KCNH2: variants seen among roughly 807,000 people sequenced by gnomAD.
KCNH2 encodes potassium voltage-gated channel subfamily H member 2, also known as voltage-gated inwardly rectifying potassium channel KCNH2.
KCNH2 carries 35 observed loss-of-function variants against 95.9 expected under a neutral mutation model. That is an observed-to-expected ratio of 0.37 (90% CI 0.28 to 0.48). The LOEUF (loss-of-function observed/expected upper bound fraction) is 0.48. Ranked by LOEUF, KCNH2 falls within the 20% of genes least tolerant of loss-of-function variation. The pLI is 0.99. For synonymous variants in KCNH2, 786 were observed against 754.7 expected (o/e 1.04, Z -0.68); for missense variants, 1,274 against 1,702.9 (o/e 0.75, Z 4.43).
chr7:150,963,627 G>A (rs73470583), intron 2 of KCNH2, among the ~76,000 whole-genome samples: 3,082 of 133,130 alleles, frequency 0.023, 95 homozygotes, highest in African/African-American at 0.079. Flanking sequence ...CAGCCCCAGC[G>A]CTGGCTGAAG....
At position 150,958,354 on chromosome 7, in the gene KCNH2, G is replaced by A. The variant is rs41314417; in HGVS notation, c.621C>T (p.Ser207=). Residue 207 remains serine (S), a synonymous_variant, in exon 4 of 15, where the codon AGC becomes AGT. Coordinates refer to ENST00000262186, the MANE Select transcript of KCNH2 (RefSeq NM_000238.4). ...TCACTTCGTCCAGGGCCAGCGACTC[G>A]CTGCTGGGTGCCGCGGGCGTCAGGT... ...DVDLTPAAPS[S]ESLALDEVTA... is the part of the protein sequence containing the mutation. 5.0e-4 allele frequency: 740 copies of A among 1,485,444 alleles called. 3 individuals carry two copies. The African/African-American group carries it at 9.4e-3, about 19-fold the overall frequency. The allele number at this position is 1,485,444 out of a possible 1,614,324, so 92.0% of individuals were successfully genotyped here. A position where few individuals can be genotyped will look rare whatever the true frequency, so the allele number is the denominator to read the frequency against.
rs1800849202 is a variant in KCNH2, at chr7:150,945,301, A to G, written c.*64T>C. 1.3e-6 allele frequency: 2 copies of G among 1,518,450 alleles called. No individual in the cohort carries two copies. The highest frequency in any genetic ancestry group is 1.8e-6 in the Non-Finnish European group (2 of 1,123,702). 94.1% of individuals were successfully genotyped at this position (1,518,450 alleles called of 1,614,324 possible). ...CAGGGCCTCCTGAGCAGGGCCTCCA[A>G]GGGGAGCGGCCCAGCAGCGCCTTGA... On this transcript the variant is annotated 3_prime_UTR_variant, in exon 15 of 15. Transcript: ENST00000262186. This position sits in a 1 kb window ranked among gnomAD's most constrained non-coding sequence, Gnocchi z 5.6.
intron 2 of KCNH2, among the ~76,000 whole-genome samples, chr7:150,969,356 G>A (rs1369967363): frequency 3.3e-5 from 5 of 152,158 alleles, no homozygotes; most frequent in African/African-American, 9.7e-5. Context: ...AACAATAGAA[G>A]TGCCTTGTGC....
chr7:150,947,473 C>T lies in KCNH2; in HGVS notation c.3007G>A (p.Asp1003Asn), dbSNP rs794728402. The T allele has an allele frequency of 4.4e-6, 7 of 1,577,120 alleles. No individual in the cohort carries two copies. The African/African-American group carries it at 6.7e-5, about 15-fold the overall frequency. Reference protein sequence around the residue: ...GVSNIFSFWGDSRGRQYQELP... With the variant: ...GVSNIFSFWGNSRGRQYQELP... ...TCCTGGTACTGGCGGCCCCGACTGT[C>T]CCCCCAGAAGCTGAAAATGTTGGAC... The change falls in exon 13 of 15, where the codon GAC becomes AAC. Residue 1003 changes from aspartate (D) to asparagine (N), a missense_variant. By Grantham distance (23) the Asp-to-Asn change is conservative. This residue lies in a region of KCNH2 where 457 missense variants were observed against 416.1 expected (regional missense o/e 1.10). Coordinates refer to ENST00000262186, the MANE Select transcript of KCNH2 (RefSeq NM_000238.4).
At chr7:150,968,149 C>T (rs1301865602) in intron 2 of KCNH2, among the ~76,000 whole-genome samples, 1 of 152,146 alleles carries the variant, frequency 6.6e-6, no homozygotes, top group South Asian at 2.1e-4. Context: ...CCAAGATATG[C>T]GGGTATGGGA....
chr7:150,948,708 T>C (rs1801018675), intron 10 of KCNH2, 148 bp downstream of exon 10: 1 of 1,076,462 alleles, frequency 9.3e-7, no homozygotes, highest in Non-Finnish European at 1.4e-6. Flanking sequence ...AAGACTGAGT[T>C]TGGGACTTTT....
At chr7:150,954,735 G>A (rs1288447407) in intron 5 of KCNH2, among the ~76,000 whole-genome samples, 3 of 152,196 alleles carry the variant, frequency 2.0e-5, no homozygotes, top group Non-Finnish European at 2.9e-5. Context: ...TTAGCCCTGA[G>A]CCACCTCCCA....
rs1800859102 is a variant in KCNH2 at position 150,945,509 on chromosome 7, G to A, written c.3336C>T (p.Ser1112=). 6.4e-7 allele frequency: 1 copy of A among 1,558,830 alleles called. No individual in the cohort carries two copies. The highest frequency in any genetic ancestry group is 8.7e-7 in the Non-Finnish European group (1 of 1,151,480). The part of the protein sequence containing the change: ...TLTLDSLSQV[S]QFMACEELPP... Reference sequence around the variant, plus strand: ...GCAGCTCCTCACACGCCATGAACTGGGAAACCTGCAATACACACAGAGCAT... The same window carrying A: ...GCAGCTCCTCACACGCCATGAACTGAGAAACCTGCAATACACACAGAGCAT... Residue 1112 remains serine, a synonymous_variant, in exon 15 of 15, where the codon TCC becomes TCT. Coordinates refer to ENST00000262186, the MANE Select transcript of KCNH2 (RefSeq NM_000238.4). The surrounding 1 kb of genome is among the most constrained non-coding windows in gnomAD (Gnocchi z 5.6).
chr7:150,957,798 ATCCCTG>A (rs1386175516), intron 4 of KCNH2, among the ~76,000 whole-genome samples: 2 of 152,228 alleles, frequency 1.3e-5, no homozygotes, highest in Non-Finnish European at 1.5e-5. Flanking sequence ...TGCCCAGGGC[ATCCCTG>A]CTCCAGGCCG....
At chr7:150,969,164 G>C (rs1801776689) in intron 2 of KCNH2, among the ~76,000 whole-genome samples, 1 of 152,224 alleles carries the variant, frequency 6.6e-6, no homozygotes, top group Non-Finnish European at 1.5e-5. Flanking sequence ...GGGACAGCTA[G>C]GCTCGGGTTC....
chr7:150,975,015 C>G (rs1801945600), intron 1 of KCNH2, 74 bp from the exon 2 acceptor site: 5 of 1,344,574 alleles, frequency 3.7e-6, no homozygotes, highest in Middle Eastern at 4.4e-4. Context: ...TCCCCACATT[C>G]TCCACTCACA....
chr7:150,964,885 G>C (rs944505425), intron 2 of KCNH2, among the ~76,000 whole-genome samples: 2 of 152,204 alleles, frequency 1.3e-5, no homozygotes, highest in Non-Finnish European at 2.9e-5. Flanking sequence ...GATGCAGCAG[G>C]AGCCGCTCCT....
rs758278647 is a variant in KCNH2 at position 150,947,736 on chromosome 7, G to C, written c.2835C>G (p.Gly945=). 4.5e-6 allele frequency: 7 copies of C among 1,558,824 alleles called. No homozygotes were observed. The South Asian group carries it at 8.2e-5, about 18-fold the overall frequency. ...PSSPESSEDE[G]PGRSSSPLRL... ...GGAGGGGGCTGGAGCTGCGGCCTGG[G>C]CCCTCATCCTCACTGCTCTCAGGGC... is the stretch of plus-strand genomic sequence containing the variant. The change falls in exon 12 of 15, where the codon GGC becomes GGG. Residue 945 remains glycine, a synonymous_variant. Coordinates refer to ENST00000262186, the MANE Select transcript of KCNH2 (RefSeq NM_000238.4).
chr7:150,958,526 G>A (rs1340858857), intron 3 of KCNH2, 24 bp from the exon 4 acceptor site: 2 of 1,471,206 alleles, frequency 1.4e-6, no homozygotes, highest in South Asian at 1.3e-5. Flanking sequence ...GAGGCACGTG[G>A]TCGTGGGGAT....
At position 150,949,057 on chromosome 7, in the gene KCNH2, C is replaced by A; in HGVS notation, c.2399-8G>T. ...CAAAGATGTCATTCTTCCCTGGAGG[C>A]CATGGAGAGGACAGGGAGCTCAGCC... is the stretch of plus-strand genomic sequence containing the variant. On this transcript the variant is annotated splice_region_variant and splice_polypyrimidine_tract_variant and intron_variant, in intron 9 of 14. Coordinates refer to ENST00000262186, the MANE Select transcript of KCNH2 (RefSeq NM_000238.4). The A allele has an allele frequency of 1.2e-6, 2 of 1,613,490 alleles. No homozygotes were observed. Among genetic ancestry groups the A allele is most frequent in the Non-Finnish European group, 1.7e-6 (2 of 1,179,578 alleles).
In KCNH2 at chr7:150,948,866, T is replaced by C. The variant is rs121912513; in HGVS notation, c.2582A>G (p.Asn861Ser). The C allele has an allele frequency of 6.2e-7, 1 of 1,613,996 alleles. No individual in the cohort carries two copies. The highest frequency in any genetic ancestry group is 8.5e-7 in the Non-Finnish European group (1 of 1,180,006). ...GGGCAGCCAACTCACATCTCGCAGG[T>C]TGAAGGTGATCTCCAGGCTGGACCA... ...HFWSSLEITF[N>S]LRDTNMIPGS... Residue 861 changes from asparagine (N) to serine (S), a missense_variant, in exon 10 of 15, where the codon AAC becomes AGC. Coordinates refer to ENST00000262186, the MANE Select transcript of KCNH2 (RefSeq NM_000238.4).
At position 150,948,853 on chromosome 7, in the gene KCNH2, C is replaced by T. The variant is rs906562788; in HGVS notation, c.2592+3G>A. ...GGGGTCCAGCTCAGGGCAGCCAACT[C>T]ACATCTCGCAGGTTGAAGGTGATCT... On this transcript the variant is annotated splice_donor_region_variant and intron_variant, in intron 10 of 14. Transcript: ENST00000262186. The T allele has an allele frequency of 4.3e-6, 7 of 1,614,088 alleles. No individual in the cohort carries two copies. The highest frequency in any genetic ancestry group is 3.3e-5 in the Admixed American group (2 of 60,028).
chr7:150,974,672 C>A (rs1801927257), intron 2 of KCNH2, 39 bp downstream of exon 2: 1 of 1,516,318 alleles, frequency 6.6e-7, no homozygotes, highest in African/African-American at 1.4e-5. Context: ...CCCTCTTGAC[C>A]CCGCCCCTGG....
Position 150,977,941 on chromosome 7 carries a change from C to T in KCNH2, c.-28G>A, listed in dbSNP as rs778276226. 28 of 1,506,098 alleles carry T rather than the reference C, an allele frequency of 1.9e-5. No individual in the cohort carries two copies. Among genetic ancestry groups the T allele is most frequent in the Non-Finnish European group, 2.2e-5 (25 of 1,112,632 alleles). The allele number at this position is 1,506,098 out of a possible 1,614,324, so 93.3% of individuals were successfully genotyped here. A position where few individuals can be genotyped will look rare whatever the true frequency, so the allele number is the denominator to read the frequency against. ...TGAGCCCATGGGCGGGCCGGGCGGG[C>T]CCCCACCCACCCCGGCCCGGCCCGG... On this transcript the variant is annotated 5_prime_UTR_variant, in exon 1 of 15. Transcript: ENST00000262186.
Sources: allele counts gnomAD v4.1 joint callset (sites outside exome capture counted in the v4.1 genomes callset), GRCh38; gene constraint gnomAD v4.1.1; regional missense constraint gnomAD v4.1.1; non-coding constraint Gnocchi (gnomAD v3.1); transcripts MANE v1.5; gene names NCBI Gene and HGNC (gene_info 2026-07-23, HGNC 2026-07-21).